PARK7: variants seen among roughly 807,000 people sequenced by gnomAD.
PARK7 encodes the protein Parkinson disease protein 7.
A neutral mutation model predicts 20.5 loss-of-function variants in PARK7; 14 were observed. The observed-to-expected ratio is 0.68, with a 90% CI of 0.45 to 1.07. The LOEUF (loss-of-function observed/expected upper bound fraction) is 1.07, where lower values mean the gene tolerates loss of function less well. Ranked by LOEUF, PARK7 falls within the 50% of genes least tolerant of loss-of-function variation. The pLI, the probability that PARK7 is intolerant of heterozygous loss-of-function variation, is 0.00. For synonymous variants in PARK7, 98 were observed against 84.3 expected (o/e 1.16, Z -0.89); for missense variants, 234 against 238.1 (o/e 0.98, Z 0.11).
In PARK7 at chr1:7,969,356, TGTG is replaced by T; in HGVS notation, c.210_212del (p.Val71del). On this transcript the variant is annotated inframe_deletion, in exon 4 of 7. Coordinates refer to ENST00000338639, the MANE Select transcript of PARK7 (RefSeq NM_007262.5). ...TTAAACTGTTACAGGGACCATATGA[TGTG>T]GTGGTTCTACCAGGAGGTAATCTGG... The T allele has an allele frequency of 1.2e-6, 2 of 1,612,328 alleles. No homozygotes were observed. Among genetic ancestry groups the T allele is most frequent in the Non-Finnish European group, 8.5e-7 (1 of 1,178,782 alleles).
rs1189723970 is a variant in PARK7, at chr1:7,984,617, C to T, written c.410-277C>T. Among the ~76,000 whole-genome samples, 2 of 151,872 alleles carry T rather than the reference C, an allele frequency of 1.3e-5. No homozygotes were observed. The highest frequency in any genetic ancestry group is 1.5e-5 in the Non-Finnish European group (1 of 68,040). On this transcript the variant is annotated intron_variant, in intron 6 of 6. Coordinates refer to ENST00000338639, the MANE Select transcript of PARK7 (RefSeq NM_007262.5). This position sits in a 1 kb window ranked among gnomAD's most constrained non-coding sequence, Gnocchi z 4.3. ...AGTGATGTGAGTAACTGTCATTCACCGACATCTCCCCCAACACTTAAAGTC... is the reference window on the plus strand; with the variant it reads ...AGTGATGTGAGTAACTGTCATTCACTGACATCTCCCCCAACACTTAAAGTC...
At chr1:7,969,231 A>G (rs560339547) in intron 3 of PARK7, 114 bp from the exon 4 acceptor site, 3 of 792,930 alleles carry the variant, frequency 3.8e-6, no homozygotes, top group Admixed American at 2.6e-5. Context: ...ATTGGCAGAT[A>G]GGCTATCTCC....
chr1:7,972,543 T>C (rs1030097738), intron 5 of PARK7, among the ~76,000 whole-genome samples: 2 of 152,190 alleles, frequency 1.3e-5, no homozygotes, highest in African/African-American at 4.8e-5. Context: ...TCTGAGAATT[T>C]ATTATTGTGT....
chr1:7,970,469 G>A (rs976074978), intron 4 of PARK7, among the ~76,000 whole-genome samples: 3 of 152,062 alleles, frequency 2.0e-5, no homozygotes, highest in African/African-American at 7.3e-5. Context: ...AGAGGCCAGG[G>A]TGAGGGGCAC....
intron 6 of PARK7, chr1:7,983,057 C>A (rs1426535778): frequency 6.6e-6 from 1 of 152,208 alleles, no homozygotes; most frequent in Non-Finnish European, 1.5e-5. Context: ...GAAATGAACA[C>A]TGTGTGGTTT....
intron 4 of PARK7, among the ~76,000 whole-genome samples, 180 bp from the exon 5 acceptor site, chr1:7,970,714 A>G (rs1640447486): frequency 6.6e-6 from 1 of 152,250 alleles, no homozygotes; most frequent in Non-Finnish European, 1.5e-5. Context: ...GCTTGGGTTT[A>G]AGAATATAAT....
chr1:7,981,713 C>T (rs545497353), intron 6 of PARK7, among the ~76,000 whole-genome samples: 18 of 146,634 alleles, frequency 1.2e-4, no homozygotes, highest in Admixed American at 2.1e-4. Context: ...GGCTGGAGTA[C>T]AGTGGCACGA....
Position 7,984,010 on chromosome 1 carries a change from A to G in PARK7, c.410-884A>G, listed in dbSNP as rs1241174156. Among the ~76,000 whole-genome samples the G allele has an allele frequency of 2.6e-5, 4 of 152,180 alleles. No homozygotes were observed. Among genetic ancestry groups the G allele is most frequent in the East Asian group, 1.9e-4 (1 of 5,190 alleles). On this transcript the variant is annotated intron_variant, in intron 6 of 6. Transcript: ENST00000338639. This position sits in a 1 kb window ranked among gnomAD's most constrained non-coding sequence, Gnocchi z 4.3. ...TAAATAGAATGCGGTGATAGAGTCA[A>G]TAGAGGTACCTAATTTGGGGAGGTG...
intron 5 of PARK7, among the ~76,000 whole-genome samples, chr1:7,975,132 G>A (rs1193214378): frequency 6.6e-6 from 1 of 152,144 alleles, no homozygotes; most frequent in Non-Finnish European, 1.5e-5. Context: ...AGGATTACAG[G>A]CGTGAGCCAC....
chr1:7,962,401 A>G (rs58693705), intron 1 of PARK7, among the ~76,000 whole-genome samples: 8,314 of 152,224 alleles, frequency 0.055, 754 homozygotes, highest in African/African-American at 0.19. Context: ...ACAGTGCTTC[A>G]AAAAAGACTG....
intron 3 of PARK7, among the ~76,000 whole-genome samples, chr1:7,965,801 A>G (rs953776852): frequency 6.6e-6 from 1 of 151,940 alleles, no homozygotes; most frequent in Non-Finnish European, 1.5e-5. Context: ...CACATTTTCC[A>G]TTTTTTATTA....
At chr1:7,966,858 A>G (rs1354644389) in intron 3 of PARK7, among the ~76,000 whole-genome samples, 1 of 152,216 alleles carries the variant, frequency 6.6e-6, no homozygotes, top group Non-Finnish European at 1.5e-5. Context: ...GTTTCCATGC[A>G]TAATATATAG....
At chr1:7,983,977 G>T (rs13328696) in intron 6 of PARK7, among the ~76,000 whole-genome samples, 3 of 152,274 alleles carry the variant, frequency 2.0e-5, no homozygotes, top group South Asian at 2.1e-4. Context: ...TCAATGCTGC[G>T]AGGGCAGTAA....
chr1:7,970,888 C>T lies in PARK7; in HGVS notation c.253-6C>T, dbSNP rs1214452747. 1 of 1,613,900 alleles carries T rather than the reference C, an allele frequency of 6.2e-7. No individual in the cohort carries two copies. The highest frequency in any genetic ancestry group is 8.5e-7 in the Non-Finnish European group (1 of 1,179,950). The stretch of plus-strand genomic sequence containing the variant: ...CTTTATGTATTTTTGGTTTTCTTTT[C>T]ACTAGTCTGCTGCTGTGAAGGAGAT... On this transcript the variant is annotated splice_region_variant and splice_polypyrimidine_tract_variant and intron_variant, in intron 4 of 6. Coordinates refer to ENST00000338639, the MANE Select transcript of PARK7 (RefSeq NM_007262.5).
chr1:7,962,864 A>G lies in PARK7; in HGVS notation c.79A>G (p.Arg27Gly). 6.2e-7 allele frequency: 1 copy of G among 1,613,210 alleles called. No homozygotes were observed. Among genetic ancestry groups the G allele is most frequent in the Non-Finnish European group, 8.5e-7 (1 of 1,179,670 alleles). ...GACGGTCATCCCTGTAGATGTCATG[A>G]GGCGAGCTGGGGTAAGTCCCACATC... ...METVIPVDVM[R>G]RAGIKVTVAG... Residue 27 changes from arginine to glycine, a missense_variant, in exon 2 of 7, where the codon AGG (arginine) becomes GGG (glycine). Transcript: ENST00000338639.
At chr1:7,967,574 GT>G (rs749291471) in intron 3 of PARK7, among the ~76,000 whole-genome samples, 2 of 152,138 alleles carry the variant, frequency 1.3e-5, no homozygotes, top group Non-Finnish European at 2.9e-5. Flanking sequence ...TTTCTTTTGA[GT>G]TTTGAGCTTT....
At chr1:7,979,927 G>A (rs1640675101) in intron 6 of PARK7, among the ~76,000 whole-genome samples, 2 of 152,234 alleles carry the variant, frequency 1.3e-5, no homozygotes, top group South Asian at 2.1e-4. Flanking sequence ...GAGGCCGGTG[G>A]GGGAGGTAGA....
Position 7,970,913 on chromosome 1 carries a change from T to C in PARK7, c.272T>C (p.Ile91Thr), listed in dbSNP as rs770564079. The change falls in exon 5 of 7, where the codon ATA (isoleucine) becomes ACA (threonine). Residue 91 changes from isoleucine (I) to threonine (T), a missense_variant. Ile to Thr is a moderately conservative substitution (Grantham distance 89). Coordinates refer to ENST00000338639, the MANE Select transcript of PARK7 (RefSeq NM_007262.5). ...CACTAGTCTGCTGCTGTGAAGGAGA[T>C]ACTGAAGGAGCAGGAAAACCGGAAG... ...NLSESAAVKE[I>T]LKEQENRKGL... 2 of 1,614,174 alleles carry C rather than the reference T, an allele frequency of 1.2e-6. No individual in the cohort carries two copies. The highest frequency in any genetic ancestry group is 2.7e-5 in the African/African-American group (2 of 75,038).
chr1:7,969,506 A>G (rs1048560636), intron 4 of PARK7, 102 bp downstream of exon 4: 14 of 880,124 alleles, frequency 1.6e-5, no homozygotes, highest in African/African-American at 1.3e-4. Context: ...TTATTATTCA[A>G]ATATTTCGGG....
Sources: allele counts gnomAD v4.1 joint callset (sites outside exome capture counted in the v4.1 genomes callset), GRCh38; gene constraint gnomAD v4.1.1; non-coding constraint Gnocchi (gnomAD v3.1); transcripts MANE v1.5; gene names NCBI Gene and HGNC (gene_info 2026-07-23, HGNC 2026-07-21).